The following SLIT3 variants were observed in gnomAD, a reference collection of about 807,000 sequenced individuals.
The protein encoded by SLIT3 is slit homolog 3 protein.
Under a neutral mutation model 184.0 loss-of-function variants are expected in SLIT3, and 68 were observed. That is an observed-to-expected ratio of 0.37 (90% confidence interval 0.30 to 0.45). The LOEUF is 0.45. SLIT3 is among the 20% of genes least tolerant of loss of function. The probability of loss-of-function intolerance (pLI) is 1.00; values close to 1 mark genes in which losing one functional copy is unlikely to be tolerated. For missense variants in SLIT3, 1,707 were observed against 2,026.0 expected, an observed-to-expected ratio of 0.84 and a Z score of 3.02; for synonymous variants, 831 against 828.6, an observed-to-expected ratio of 1.00 and a Z score of -0.05.
intron 14 of SLIT3, among the ~76,000 whole-genome samples, chr5:168,764,149 G>C (rs1390101520): frequency 6.6e-6 from 1 of 152,206 alleles, no homozygotes. Flanking sequence ...AGCCTCAGGA[G>C]TGGTATGCAT....
At chr5:169,129,821 G>GTTTTTTTT (rs556491428) in intron 4 of SLIT3, among the ~76,000 whole-genome samples, 8 of 149,586 alleles carry the variant, frequency 5.3e-5, no homozygotes, top group Non-Finnish European at 8.9e-5. Flanking sequence ...TTCTTTGGTG[G>GTTTTTTTT]TTTTTTTTGT....
At chr5:168,878,398 A>C (rs560821315) in intron 5 of SLIT3, among the ~76,000 whole-genome samples, 1 of 152,356 alleles carries the variant, frequency 6.6e-6, no homozygotes, top group South Asian at 2.1e-4. Flanking sequence ...CACAGGGCTC[A>C]GAGGCCGCCT....
At chr5:168,687,141 C>A in intron 29 of SLIT3, 25 bp from the exon 30 acceptor site, 2 of 1,608,210 alleles carry the variant, frequency 1.2e-6, no homozygotes, top group Non-Finnish European at 1.7e-6. Context: ...GAGGCAAGGC[C>A]GTTCCTCAAG....
rs947281251 is a variant in SLIT3, at chr5:168,760,857, C to A, written c.1685+5G>T. 2 of 1,610,996 alleles carry A rather than the reference C, an allele frequency of 1.2e-6. No homozygotes were observed. Among genetic ancestry groups the A allele is most frequent in the Non-Finnish European group, 1.7e-6 (2 of 1,177,162 alleles). On this transcript the variant is annotated splice_donor_5th_base_variant and intron_variant, in intron 16 of 35. Transcript: ENST00000519560. ...GCTGCTGCCAAGTTCCTGAAGTTGA[C>A]TTACATTTTCCGCAGGTTGGGCAAC... is the stretch of plus-strand genomic sequence containing the variant.
intron 4 of SLIT3, among the ~76,000 whole-genome samples, chr5:168,943,214 A>C (rs900357797): frequency 1.3e-5 from 2 of 152,228 alleles, no homozygotes; most frequent in Admixed American, 6.5e-5. Flanking sequence ...ACTGTAGTGA[A>C]TACACCAGAA....
chr5:169,254,585 G>T (rs1434696495), intron 1 of SLIT3, among the ~76,000 whole-genome samples: 1 of 152,146 alleles, frequency 6.6e-6, no homozygotes, highest in Non-Finnish European at 1.5e-5. Flanking sequence ...CAAGACTGTG[G>T]CAGAAATGAT....
intron 1 of SLIT3, among the ~76,000 whole-genome samples, chr5:169,255,845 T>TG (rs922578379): frequency 6.6e-6 from 1 of 152,128 alleles, no homozygotes; most frequent in Non-Finnish European, 1.5e-5. Flanking sequence ...ATCGCGCCAC[T>TG]GCACTCCAGC....
At chr5:169,059,691 T>C (rs1758116716) in intron 4 of SLIT3, among the ~76,000 whole-genome samples, 1 of 152,166 alleles carries the variant, frequency 6.6e-6, no homozygotes, top group Non-Finnish European at 1.5e-5. Flanking sequence ...ATGTCTGACT[T>C]GGCTTAAAAT....
intron 3 of SLIT3, among the ~76,000 whole-genome samples, chr5:169,201,911 G>C (rs1447076799): frequency 1.3e-5 from 2 of 152,332 alleles, no homozygotes; most frequent in Non-Finnish European, 2.9e-5. Context: ...TTAACCACCA[G>C]TATGCCTTAA....
At chr5:168,761,762 CG>C (rs1419377503) in intron 15 of SLIT3, among the ~76,000 whole-genome samples, 1 of 151,668 alleles carries the variant, frequency 6.6e-6, no homozygotes, top group Non-Finnish European at 1.5e-5. Flanking sequence ...TTCCAGATAC[CG>C]GGTCTCACTC....
At chr5:169,297,431 C>G (rs1767544569) in intron 1 of SLIT3, among the ~76,000 whole-genome samples, 1 of 152,096 alleles carries the variant, frequency 6.6e-6, no homozygotes, top group Non-Finnish European at 1.5e-5. Flanking sequence ...AATGTCATAA[C>G]ACAAGGTTTC....
At chr5:168,899,621 A>G (rs914765630) in intron 4 of SLIT3, among the ~76,000 whole-genome samples, 1 of 152,206 alleles carries the variant, frequency 6.6e-6, no homozygotes, top group East Asian at 1.9e-4. Flanking sequence ...GAATGAAGCT[A>G]TAAGCATTGC....
chr5:169,196,161 G>A (rs1323089109), intron 3 of SLIT3, among the ~76,000 whole-genome samples: 7 of 148,736 alleles, frequency 4.7e-5, no homozygotes, highest in African/African-American at 4.9e-5. Context: ...CACTAAAGTA[G>A]AAAAAAAAAA....
At chr5:169,066,609 A>G (rs1758355245) in intron 4 of SLIT3, among the ~76,000 whole-genome samples, 3 of 152,190 alleles carry the variant, frequency 2.0e-5, no homozygotes, top group Non-Finnish European at 4.4e-5. Context: ...ACTTTGCTCC[A>G]TTTTTCTAGA....
At chr5:168,760,153 G>C (rs1209804046) in intron 16 of SLIT3, among the ~76,000 whole-genome samples, 1 of 152,232 alleles carries the variant, frequency 6.6e-6, no homozygotes, top group African/African-American at 2.4e-5. Flanking sequence ...CACTGGATGG[G>C]TGGGTGAAGA....
chr5:168,737,863 A>G (rs1458491378), intron 20 of SLIT3, among the ~76,000 whole-genome samples: 1 of 152,232 alleles, frequency 6.6e-6, no homozygotes, highest in East Asian at 1.9e-4. Flanking sequence ...TGAGGTAAGC[A>G]TGAATTTAAA....
chr5:168,935,150 C>CA (rs1164978467), intron 4 of SLIT3, among the ~76,000 whole-genome samples: 5,495 of 123,968 alleles, frequency 0.044, 180 homozygotes, highest in African/African-American at 0.083. Context: ...AAAAAAAAAA[C>CA]AAAAAAAAAA....
intron 1 of SLIT3, among the ~76,000 whole-genome samples, chr5:169,275,728 G>A (rs1766779792): frequency 6.6e-6 from 1 of 152,160 alleles, no homozygotes; most frequent in Admixed American, 6.5e-5. Flanking sequence ...GCATGGGAAA[G>A]ACCAGCCCCC....
intron 6 of SLIT3, among the ~76,000 whole-genome samples, chr5:168,823,759 G>T (rs1238624615): frequency 6.6e-6 from 1 of 152,162 alleles, no homozygotes; most frequent in Non-Finnish European, 1.5e-5. Flanking sequence ...GGATGAGGAG[G>T]CTGAGCCACA....
Sources: allele counts gnomAD v4.1 joint callset (sites outside exome capture counted in the v4.1 genomes callset), GRCh38; gene constraint gnomAD v4.1.1; transcripts MANE v1.5; gene names NCBI Gene and HGNC (gene_info 2026-07-23, HGNC 2026-07-21).